MYO1B: variants seen among roughly 807,000 people sequenced by gnomAD.
MYO1B encodes the protein unconventional myosin-Ib.
MYO1B carries 72 observed loss-of-function variants against 159.7 expected under a neutral mutation model. The observed-to-expected ratio is 0.45, with a 90% CI of 0.37 to 0.55. The LOEUF is 0.55. Ranked by LOEUF, MYO1B falls within the 20% of genes least tolerant of loss-of-function variation. The pLI is 0.00. For missense variants in MYO1B, 1,062 were observed against 1,364.8 expected (o/e 0.78, Z 3.50); for synonymous variants, 468 against 473.8 (o/e 0.99, Z 0.16).
chr2:191,313,153 C>T (rs1690111663), intron 3 of MYO1B, among the ~76,000 whole-genome samples: 1 of 136,352 alleles, frequency 7.3e-6, no homozygotes, highest in African/African-American at 2.8e-5. Flanking sequence ...GATATCCAAG[C>T]TGCTTCTATA....
chr2:191,299,017 C>T (rs1207533320), intron 3 of MYO1B, among the ~76,000 whole-genome samples: 6 of 152,108 alleles, frequency 3.9e-5, no homozygotes, highest in Non-Finnish European at 5.9e-5. Flanking sequence ...CAGTTTACCC[C>T]CAGCAATTGT....
At chr2:191,262,289 G>GC (rs1004788758) in intron 1 of MYO1B, among the ~76,000 whole-genome samples, 42 of 151,858 alleles carry the variant, frequency 2.8e-4, no homozygotes, top group Middle Eastern at 3.4e-3. Flanking sequence ...TTATTCTGCC[G>GC]CCCCCCCTCC....
chr2:191,266,463 G>T (rs1410110933), intron 1 of MYO1B, among the ~76,000 whole-genome samples: 1 of 152,188 alleles, frequency 6.6e-6, no homozygotes, highest in African/African-American at 2.4e-5. Context: ...AGGATCCTTG[G>T]TGGTAAACTA....
intron 1 of MYO1B, among the ~76,000 whole-genome samples, chr2:191,264,360 T>C (rs868732771): frequency 1.3e-5 from 2 of 152,214 alleles, no homozygotes; most frequent in Admixed American, 6.5e-5. Flanking sequence ...CTTCTGAATT[T>C]TTATTATTCT....
At chr2:191,346,382 A>G in intron 6 of MYO1B, 100 bp downstream of exon 6, 1 of 722,006 alleles carries the variant, frequency 1.4e-6, no homozygotes, top group Non-Finnish European at 2.1e-6. Flanking sequence ...ACACATTTTT[A>G]AAATAAGAGG....
At chr2:191,299,146 C>G (rs536299629) in intron 3 of MYO1B, among the ~76,000 whole-genome samples, 3 of 151,364 alleles carry the variant, frequency 2.0e-5, no homozygotes, top group East Asian at 3.9e-4. Flanking sequence ...AGTTCATGCT[C>G]CAGAATATAC....
At chr2:191,259,720 T>G (rs927467206) in intron 1 of MYO1B, among the ~76,000 whole-genome samples, 1 of 152,162 alleles carries the variant, frequency 6.6e-6, no homozygotes, top group Non-Finnish European at 1.5e-5. Context: ...AACTCTTTGA[T>G]GTAATCAGGT....
chr2:191,255,678 T>G (rs780552443), intron 1 of MYO1B, among the ~76,000 whole-genome samples: 1 of 152,206 alleles, frequency 6.6e-6, no homozygotes, highest in Non-Finnish European at 1.5e-5. Context: ...AGTGAAGGTA[T>G]TTATTTTTTA....
chr2:191,381,410 G>C (rs1167647162), intron 13 of MYO1B, 52 bp from the exon 14 acceptor site: 11 of 1,254,008 alleles, frequency 8.8e-6, no homozygotes, highest in Non-Finnish European at 8.2e-6. Flanking sequence ...TCATTGTTTT[G>C]AGAGAGCTAG....
At chr2:191,254,692 G>T (rs557319481) in intron 1 of MYO1B, among the ~76,000 whole-genome samples, 3 of 151,970 alleles carry the variant, frequency 2.0e-5, no homozygotes, top group Non-Finnish European at 4.4e-5. Flanking sequence ...TTTTTGTAGA[G>T]GTGATGTCTC....
chr2:191,322,680 C>T (rs773659078), intron 3 of MYO1B, among the ~76,000 whole-genome samples: 2 of 152,104 alleles, frequency 1.3e-5, no homozygotes, highest in Non-Finnish European at 1.5e-5. Context: ...AGATTATTTT[C>T]TGTAACTAGG....
intron 6 of MYO1B, among the ~76,000 whole-genome samples, chr2:191,348,000 C>T (rs978081704): frequency 2.0e-5 from 3 of 152,120 alleles, no homozygotes; most frequent in Non-Finnish European, 2.9e-5. Context: ...ACCAGTATTC[C>T]CATGGAGATG....
Position 191,273,414 on chromosome 2 carries a change from C to T in MYO1B, c.-9-3473C>T, listed in dbSNP as rs564373549. On this transcript the variant is annotated intron_variant, in intron 1 of 30. Transcript: ENST00000392318. ...TTGGGATTACAGGCGTGAGCCACCG[C>T]GCCTGGCCAATTCTAGGTAATTTTC... is the stretch of plus-strand genomic sequence containing the variant. Among the ~76,000 whole-genome samples, 8 of 152,266 alleles carry T rather than the reference C, an allele frequency of 5.3e-5. No homozygotes were observed. The Middle Eastern group carries it at 0.01, about 194-fold the overall frequency.
chr2:191,279,364 A>C (rs1687920192), intron 2 of MYO1B, among the ~76,000 whole-genome samples: 1 of 152,044 alleles, frequency 6.6e-6, no homozygotes, highest in African/African-American at 2.4e-5. Flanking sequence ...ACGAATATGT[A>C]CATATGTTTG....
At chr2:191,266,071 C>T (rs890121871) in intron 1 of MYO1B, among the ~76,000 whole-genome samples, 3 of 152,142 alleles carry the variant, frequency 2.0e-5, no homozygotes, top group African/African-American at 4.8e-5. Context: ...CCTGCCATGA[C>T]TCTGTAGAGC....
At chr2:191,375,506 T>TAGAC (rs1169890899) in intron 13 of MYO1B, among the ~76,000 whole-genome samples, 3 of 150,960 alleles carry the variant, frequency 2.0e-5, no homozygotes, top group Non-Finnish European at 4.4e-5. Flanking sequence ...GATAGATAGA[T>TAGAC]AGATAGATGG....
At chr2:191,266,148 C>T (rs1259246224) in intron 1 of MYO1B, among the ~76,000 whole-genome samples, 1 of 152,168 alleles carries the variant, frequency 6.6e-6, no homozygotes, top group Admixed American at 6.5e-5. Context: ...TGTTAAACCT[C>T]ATGTAAGATC....
intron 1 of MYO1B, among the ~76,000 whole-genome samples, chr2:191,256,089 C>T (rs1033673031): frequency 6.6e-6 from 1 of 152,174 alleles, no homozygotes; most frequent in Non-Finnish European, 1.5e-5. Context: ...ACACACCTGC[C>T]TAGAATCTGT....
At chr2:191,281,821 T>C (rs1227046331) in intron 2 of MYO1B, among the ~76,000 whole-genome samples, 2 of 152,098 alleles carry the variant, frequency 1.3e-5, no homozygotes, top group African/African-American at 4.8e-5. Flanking sequence ...GTTTGTTTTC[T>C]ATCTGAATTG....
Sources: allele counts gnomAD v4.1 joint callset (sites outside exome capture counted in the v4.1 genomes callset), GRCh38; gene constraint gnomAD v4.1.1; transcripts MANE v1.5; gene names NCBI Gene and HGNC (gene_info 2026-07-23, HGNC 2026-07-21).